Variants in BORCS8 observed in about 807,000 individuals in gnomAD.
BORCS8 encodes the protein BLOC-1-related complex subunit 8.
Under a neutral mutation model 18.7 loss-of-function variants are expected in BORCS8, and 13 were observed. The observed-to-expected ratio is 0.70, with a 90% confidence interval of 0.45 to 1.11. The LOEUF (loss-of-function observed/expected upper bound fraction) is 1.11, where lower values mean the gene tolerates loss of function less well. Ranked by LOEUF, BORCS8 falls within the 50% of genes least tolerant of loss-of-function variation. The pLI, the probability that BORCS8 is intolerant of heterozygous loss-of-function variation, is 0.00. For synonymous variants in BORCS8, 68 were observed against 64.8 expected, an observed-to-expected ratio of 1.05 and a Z score of -0.24; for missense variants, 165 against 165.7, an observed-to-expected ratio of 1.00 and a Z score of 0.02.
intron 5 of BORCS8, chr19:19,180,449 G>A (rs2060337077): frequency 1.7e-6 from 1 of 575,200 alleles, no homozygotes; most frequent in Non-Finnish European, 3.1e-6. Context: ...GCCTGGAAAA[G>A]AGAGAGGAAG....
chr19:19,190,204 T>C (rs2060451921), intron 1 of BORCS8, among the ~76,000 whole-genome samples: 1 of 152,226 alleles, frequency 6.6e-6, no homozygotes, highest in South Asian at 2.1e-4. Context: ...TTAGGTTACA[T>C]GTTCACAGGA....
intron 4 of BORCS8, among the ~76,000 whole-genome samples, chr19:19,181,686 G>A (rs1291254593): frequency 1.3e-5 from 2 of 152,176 alleles, no homozygotes. Flanking sequence ...TCATGCTACC[G>A]TTTGAGGGAA....
chr19:19,189,403 A>C (rs537923057), intron 1 of BORCS8, among the ~76,000 whole-genome samples: 1 of 152,292 alleles, frequency 6.6e-6, no homozygotes, highest in South Asian at 2.1e-4. Context: ...CACGTGAGGC[A>C]AACTCCAAAT....
chr19:19,184,611 T>A (rs558382477), intron 3 of BORCS8, among the ~76,000 whole-genome samples: 2 of 152,100 alleles, frequency 1.3e-5, no homozygotes, highest in East Asian at 3.9e-4. Flanking sequence ...CTGTTTTTTG[T>A]TTTTTTGAGA....
Position 19,186,925 on chromosome 19 carries a change from G to A in BORCS8, c.118C>T (p.Arg40Cys). The A allele has an allele frequency of 1.3e-6, 2 of 1,550,924 alleles. No individual in the cohort carries two copies. Among genetic ancestry groups the A allele is most frequent in the South Asian group, 1.2e-5 (1 of 84,026 alleles). ...VALYRLQEHV[R>C]RSLPELAQHK... ...TGGGCCAGCTCGGGGAGGGAGCGAC[G>A]CACATGCTCCTGCAGCCGGTACAGG... is the stretch of plus-strand genomic sequence containing the variant. Residue 40 changes from arginine (R) to cysteine (C), a missense_variant, in exon 2 of 6, where the codon CGT (arginine) becomes TGT (cysteine). By Grantham distance (180) the Arg-to-Cys change is radical (BLOSUM62 -3). Transcript: ENST00000462790.
At chr19:19,184,503 C>G (rs1432861245) in intron 3 of BORCS8, among the ~76,000 whole-genome samples, 1 of 151,916 alleles carries the variant, frequency 6.6e-6, no homozygotes, top group Non-Finnish European at 1.5e-5. Context: ...GCGGTTTCAC[C>G]GTGTTAGCCA....
chr19:19,182,083 T>C lies in BORCS8; in HGVS notation c.326+490A>G. ...TCTCCCTGGCCCCATCTCCCCCAGC[T>C]GGCCGGCTCCAGCCACAGAAGCCTT... is the stretch of plus-strand genomic sequence containing the variant. On this transcript the variant is annotated intron_variant, in intron 4 of 5. Transcript: ENST00000462790. This position sits in a 1 kb window ranked among gnomAD's most constrained non-coding sequence, Gnocchi z 4.1. The C allele has an allele frequency of 1.0e-6, 1 of 981,236 alleles. No individual in the cohort carries two copies. Among genetic ancestry groups the C allele is most frequent in the Non-Finnish European group, 1.2e-6 (1 of 826,136 alleles). 60.8% of individuals were successfully genotyped at this position (981,236 alleles called of 1,614,324 possible).
chr19:19,182,408 G>A lies in BORCS8; in HGVS notation c.326+165C>T. ...CGCAGGACCTCGGTATTAAGTGACT[G>A]AACTCAGGTTATAGATGCCACAGGA... On this transcript the variant is annotated intron_variant, in intron 4 of 5. Coordinates refer to ENST00000462790, the MANE Select transcript of BORCS8 (RefSeq NM_001145784.2). This position sits in a 1 kb window ranked among gnomAD's most constrained non-coding sequence, Gnocchi z 4.1. The A allele has an allele frequency of 1.4e-6, 2 of 1,416,894 alleles. No homozygotes were observed. 87.8% of individuals were successfully genotyped at this position (1,416,894 alleles called of 1,614,324 possible). A position where few individuals can be genotyped will look rare whatever the true frequency, so the allele number is the denominator to read the frequency against.
At chr19:19,177,691 AGG>A (rs1491296815) in intron 5 of BORCS8, 1,060 of 58,564 alleles carry the variant, frequency 0.018, 61 homozygotes, top group East Asian at 0.12. Context: ...GAAGGAAGGA[AGG>A]AAGAGAAAAG....
chr19:19,180,581 G>C (rs2060338058), intron 5 of BORCS8, 105 bp downstream of exon 5: 2 of 802,612 alleles, frequency 2.5e-6, no homozygotes. Context: ...AGCCCAGTGA[G>C]AAACCCCAAG....
At chr19:19,191,489 C>A (rs1310383153) in intron 1 of BORCS8, among the ~76,000 whole-genome samples, 1 of 132,768 alleles carries the variant, frequency 7.5e-6, no homozygotes, top group Non-Finnish European at 1.6e-5. Flanking sequence ...GATACCTTGT[C>A]TCAAAAAAAA....
rs757365054 is a variant in BORCS8, at chr19:19,187,002, G to A, written c.41C>T (p.Thr14Met). Reference sequence around the variant, plus strand: ...GTAGACGCTCTCAGTGAACTTGTCCGTGACTAGATACAGGTGGTAGGGATG... The same window carrying A: ...GTAGACGCTCTCAGTGAACTTGTCCATGACTAGATACAGGTGGTAGGGATG... ...PEMQLKGKKV[T>M]DKFTESVYVL... The change falls in exon 2 of 6, where the codon ACG becomes ATG. Residue 14 changes from threonine (T) to methionine (M), a missense_variant. Coordinates refer to ENST00000462790, the MANE Select transcript of BORCS8 (RefSeq NM_001145784.2). 30 of 1,550,044 alleles carry A rather than the reference G, an allele frequency of 1.9e-5. No homozygotes were observed. In the East Asian group the frequency reaches 5.6e-4, roughly 29 times the overall value.
At position 19,183,422 on chromosome 19, in the gene BORCS8, A is replaced by T. The variant is rs542555670; in HGVS notation, c.216-739T>A. On this transcript the variant is annotated intron_variant, in intron 3 of 5. Coordinates refer to ENST00000462790, the MANE Select transcript of BORCS8 (RefSeq NM_001145784.2). ...GAGACTCCGTCTCAAAAAAAAAAAA[A>T]AAATATACATTTCACTACAGACAAA... Among the ~76,000 whole-genome samples the T allele has an allele frequency of 4.7e-4, 71 of 151,550 alleles. 1 individual carries two copies. The highest frequency in any genetic ancestry group is 1.4e-3 in the African/African-American group (59 of 41,256).
chr19:19,187,625 G>T (rs550908840), intron 1 of BORCS8, among the ~76,000 whole-genome samples: 1 of 146,534 alleles, frequency 6.8e-6, no homozygotes, highest in East Asian at 2.1e-4. Context: ...CACAACCTCC[G>T]ACTCCCTGGT....
At chr19:19,188,823 T>A (rs2060436943) in intron 1 of BORCS8, among the ~76,000 whole-genome samples, 1 of 151,694 alleles carries the variant, frequency 6.6e-6, no homozygotes, top group Admixed American at 6.6e-5. Flanking sequence ...TGCAGGTGTC[T>A]CCTGATGAAA....
In BORCS8 at chr19:19,185,956, T is replaced by A. The variant is rs959258962; in HGVS notation, c.215+78A>T. 1.0e-5 allele frequency: 15 copies of A among 1,433,206 alleles called. No homozygotes were observed. In the South Asian group the frequency reaches 1.8e-4, roughly 18 times the overall value. 88.8% of individuals were successfully genotyped at this position (1,433,206 alleles called of 1,614,324 possible). On this transcript the variant is annotated intron_variant, in intron 3 of 5. Coordinates refer to ENST00000462790, the MANE Select transcript of BORCS8 (RefSeq NM_001145784.2). ...GGCAGGGTGGGGCTTACTGGGCAGT[T>A]GGCTGGGATGCCCCTGAATGCCCAG... is the stretch of plus-strand genomic sequence containing the variant.
rs2060357360 is a variant in BORCS8 at position 19,182,357 on chromosome 19, A to G, written c.326+216T>C. 43 of 1,263,168 alleles carry G rather than the reference A, an allele frequency of 3.4e-5. No individual in the cohort carries two copies. Among genetic ancestry groups the G allele is most frequent in the Non-Finnish European group, 4.4e-5 (43 of 971,790 alleles). 78.2% of individuals were successfully genotyped at this position (1,263,168 alleles called of 1,614,324 possible). ...GGTCACTGCTATGTCCCCAGTGCCC[A>G]GCCCAGGGCCAGGCACACAGCAGAG... On this transcript the variant is annotated intron_variant, in intron 4 of 5. Transcript: ENST00000462790. This position sits in a 1 kb window ranked among gnomAD's most constrained non-coding sequence, Gnocchi z 4.1.
At chr19:19,183,556 C>T (rs972690031) in intron 3 of BORCS8, among the ~76,000 whole-genome samples, 7 of 151,712 alleles carry the variant, frequency 4.6e-5, no homozygotes, top group Admixed American at 3.9e-4. Context: ...ATGTGGCTAG[C>T]GGGACTTGGG....
chr19:19,186,281 G>T (rs895096271), intron 2 of BORCS8, among the ~76,000 whole-genome samples, 183 bp from the exon 3 acceptor site: 1 of 152,174 alleles, frequency 6.6e-6, no homozygotes, highest in East Asian at 1.9e-4. Context: ...ATGCCTCAGG[G>T]CCTTTGCACA....
Sources: gnomAD v4.1 joint callset for allele counts (sites outside exome capture counted in the v4.1 genomes callset) on GRCh38, gnomAD v4.1.1 for gene constraint, Gnocchi (gnomAD v3.1) non-coding constraint, MANE v1.5 for transcripts, NCBI Gene and HGNC (gene_info 2026-07-23, HGNC 2026-07-21) for gene names.